The following ROBO2 variants were observed in gnomAD, a reference collection of about 807,000 sequenced individuals.
ROBO2 encodes the protein roundabout guidance receptor 2.
ROBO2 carries 53 observed loss-of-function variants against 160.8 expected under a neutral mutation model. The ratio of observed to expected loss-of-function variants is 0.33; its 90% CI spans 0.26 to 0.41. ROBO2 has a LOEUF of 0.41. ROBO2 is among the 10% of genes least tolerant of loss of function. The probability of loss-of-function intolerance (pLI) is 1.00; values close to 1 mark genes in which losing one functional copy is unlikely to be tolerated. For missense variants in ROBO2, 1,577 were observed against 1,722.4 expected (o/e 0.92, Z 1.49); for synonymous variants, 664 against 611.7 (o/e 1.09, Z -1.26).
At chr3:76,661,440 C>G (rs2091815182) in intron 2 of ROBO2, among the ~76,000 whole-genome samples, 1 of 152,176 alleles carries the variant, frequency 6.6e-6, no homozygotes, top group Admixed American at 6.5e-5. Context: ...GACACAACCT[C>G]AGGAGGTCCT....
At chr3:76,315,853 A>G (rs2071974692) in intron 2 of ROBO2, among the ~76,000 whole-genome samples, 1 of 152,156 alleles carries the variant, frequency 6.6e-6, no homozygotes, top group Admixed American at 6.6e-5. Context: ...AGCCCCCAGT[A>G]TTTCAACATA....
chr3:76,986,734 T>TTG (rs1294343755), intron 2 of ROBO2, among the ~76,000 whole-genome samples: 5 of 152,180 alleles, frequency 3.3e-5, no homozygotes, highest in Admixed American at 3.3e-4. Context: ...AAGTATGGAA[T>TTG]TGTGCTTGGT....
intron 3 of ROBO2, among the ~76,000 whole-genome samples, 161 bp from the exon 4 acceptor site, chr3:77,480,938 T>G (rs149032858): frequency 4.5e-4 from 69 of 152,304 alleles, no homozygotes; most frequent in African/African-American, 1.6e-3. Flanking sequence ...AGGGTGAATT[T>G]AAGAAAAGAA....
At chr3:76,075,390 G>A (rs1034805330) in intron 2 of ROBO2, among the ~76,000 whole-genome samples, 1 of 151,250 alleles carries the variant, frequency 6.6e-6, no homozygotes, top group Non-Finnish European at 1.5e-5. Flanking sequence ...GGGAGTTTCT[G>A]TACGCTCTTC....
intron 2 of ROBO2, among the ~76,000 whole-genome samples, chr3:77,205,521 A>G (rs1245550883): frequency 2.0e-5 from 3 of 152,102 alleles, no homozygotes; most frequent in Admixed American, 1.3e-4. Flanking sequence ...ATGGGGGGAC[A>G]TGGCAGGCCA....
chr3:76,377,840 A>G (rs2076423549), intron 2 of ROBO2, among the ~76,000 whole-genome samples: 1 of 152,124 alleles, frequency 6.6e-6, no homozygotes, highest in Non-Finnish European at 1.5e-5. Flanking sequence ...AGAATCATTG[A>G]TAACCAAACT....
chr3:76,016,206 A>G (rs188722314), intron 2 of ROBO2, among the ~76,000 whole-genome samples: 2 of 69,204 alleles, frequency 2.9e-5, no homozygotes, highest in Admixed American at 2.0e-4. Context: ...GAACCAAAGG[A>G]AGACATTTAT....
At chr3:77,117,662 C>G (rs557507596) in intron 2 of ROBO2, among the ~76,000 whole-genome samples, 1 of 152,126 alleles carries the variant, frequency 6.6e-6, no homozygotes, top group South Asian at 2.1e-4. Context: ...AAGTTTATGT[C>G]TTTTAAAAAC....
intron 2 of ROBO2, among the ~76,000 whole-genome samples, chr3:77,418,894 G>A (rs969002589): frequency 1.9e-4 from 29 of 152,048 alleles, no homozygotes; most frequent in Admixed American, 1.4e-3. Flanking sequence ...ATTCATATGG[G>A]CAAAAGGGAT....
chr3:77,179,957 T>A (rs1008312327), intron 2 of ROBO2, among the ~76,000 whole-genome samples: 4 of 152,078 alleles, frequency 2.6e-5, no homozygotes, highest in Non-Finnish European at 5.9e-5. Flanking sequence ...GTGGCTCCCA[T>A]GGAATGACAG....
rs1045789884 is a variant in ROBO2, at chr3:76,381,382, G to A, written c.109+443780G>A. Among the ~76,000 whole-genome samples the A allele has an allele frequency of 5.9e-5, 9 of 152,000 alleles. No homozygotes were observed. The South Asian group carries it at 6.2e-4, about 11-fold the overall frequency. ...TATTATTTTTTTGAGATGGAGTCTC[G>A]CTTTGTCTCCCAGGCTGGAGTGCAG... On this transcript the variant is annotated intron_variant, in intron 2 of 26. Transcript: ENST00000487694.
At chr3:76,601,667 T>A (rs2218640) in intron 2 of ROBO2, among the ~76,000 whole-genome samples, 140,509 of 152,152 alleles carry the variant, frequency 0.92, 65,904 homozygotes, top group Non-Finnish European at 1. Context: ...CTGGCCAAGG[T>A]AACCATTTTC....
chr3:77,293,602 C>A (rs1318094080), intron 2 of ROBO2, among the ~76,000 whole-genome samples: 2 of 138,114 alleles, frequency 1.4e-5, no homozygotes, highest in Admixed American at 7.6e-5. Context: ...CTAGATCACC[C>A]CAGACACAAA....
chr3:77,003,383 G>T (rs1006318243), intron 2 of ROBO2, among the ~76,000 whole-genome samples: 1 of 152,180 alleles, frequency 6.6e-6, no homozygotes, highest in Admixed American at 6.5e-5. Context: ...TGAGGCTAAA[G>T]AAGATAGTAC....
At chr3:76,119,916 C>CCCTTCCTTCCTCCCTTCCTTCCTT (rs2070663639) in intron 2 of ROBO2, among the ~76,000 whole-genome samples, 2 of 88,118 alleles carry the variant, frequency 2.3e-5, no homozygotes, top group African/African-American at 9.6e-5. Flanking sequence ...TTCCCTCCCT[C>CCCTTCCTTCCTCCCTTCCTTCCTT]CCTTCCTTCC....
chr3:76,545,117 G>C (rs989739782), intron 2 of ROBO2, among the ~76,000 whole-genome samples: 2 of 151,672 alleles, frequency 1.3e-5, no homozygotes, highest in East Asian at 3.9e-4. Context: ...TTCTATTTCT[G>C]TTCAGTATTG....
intron 2 of ROBO2, among the ~76,000 whole-genome samples, chr3:76,429,769 G>A (rs1296409157): frequency 1.3e-5 from 2 of 152,094 alleles, no homozygotes; most frequent in East Asian, 1.9e-4. Flanking sequence ...AAATCAGGGG[G>A]CACATTTATT....
chr3:76,422,072 C>T (rs909493185), intron 2 of ROBO2, among the ~76,000 whole-genome samples: 1 of 152,076 alleles, frequency 6.6e-6, no homozygotes, highest in Non-Finnish European at 1.5e-5. Flanking sequence ...CCCACCTGAC[C>T]CTGTAGAGCA....
chr3:77,122,342 T>C (rs895271686), intron 2 of ROBO2, among the ~76,000 whole-genome samples: 2 of 152,198 alleles, frequency 1.3e-5, no homozygotes, highest in African/African-American at 4.8e-5. Context: ...ATTTTCTTGT[T>C]TGATTTCAAA....
Sources: allele counts gnomAD v4.1 joint callset (sites outside exome capture counted in the v4.1 genomes callset), GRCh38; gene constraint gnomAD v4.1.1; transcripts MANE v1.5; gene names NCBI Gene and HGNC (gene_info 2026-07-23, HGNC 2026-07-21).